Variants in C10orf67 observed in about 807,000 individuals in gnomAD.
C10orf67 encodes the protein chromosome 10 open reading frame 67, also known as uncharacterized protein C10orf67, mitochondrial.
In C10orf67, 60 loss-of-function variants were observed where a neutral mutation model predicts 35.6. The observed-to-expected ratio is 1.68, with a 90% CI of 1.37 to 2.09. The LOEUF (loss-of-function observed/expected upper bound fraction) is 2.09, where lower values mean the gene tolerates loss of function less well. Ranked by LOEUF, C10orf67 falls within the 30% of genes most tolerant of loss-of-function variation. The pLI is 0.00. For synonymous variants in C10orf67, 167 were observed against 115.8 expected (o/e 1.44, Z -2.84); for missense variants, 474 against 330.2 (o/e 1.44, Z -3.38).
At chr10:23,248,658 A>C (rs2132154170) in intron 12 of C10orf67, among the ~76,000 whole-genome samples, 1 of 152,336 alleles carries the variant, frequency 6.6e-6, no homozygotes, top group Middle Eastern at 3.4e-3. Flanking sequence ...CTGTGACTAC[A>C]CAATTAATCT....
chr10:23,231,115 T>A (rs1841895090), intron 13 of C10orf67, among the ~76,000 whole-genome samples: 1 of 151,476 alleles, frequency 6.6e-6, no homozygotes, highest in Non-Finnish European at 1.5e-5. Context: ...GCCCAGCTGA[T>A]TTTTTTTTCT....
In C10orf67 at chr10:23,296,784, G is replaced by C. The variant is rs376585196; in HGVS notation, c.703-5505C>G. On this transcript the variant is annotated intron_variant, in intron 5 of 15. Transcript: ENST00000636213. ...TAGTTTTACAGCTTTGATTCTGGAA[G>C]AGACAAACTTAACAAGGAGGTTAAA... Among the ~76,000 whole-genome samples the C allele has an allele frequency of 4.9e-4, 75 of 152,318 alleles. 1 individual carries two copies. In the South Asian group the frequency reaches 0.015, roughly 30 times the overall value.
chr10:23,207,340 A>G (rs957987512), intron 15 of C10orf67, among the ~76,000 whole-genome samples: 1 of 152,216 alleles, frequency 6.6e-6, no homozygotes, highest in Non-Finnish European at 1.5e-5. Flanking sequence ...GATCACAAAT[A>G]TTTACCAATA....
At position 23,206,043 on chromosome 10, in the gene C10orf67, AC is replaced by A. The variant is rs560419915; in HGVS notation, c.1571-1789del. 3.5e-4 allele frequency among the ~76,000 whole-genome samples: 53 copies of A among 152,358 alleles called. No individual in the cohort carries two copies. In the South Asian group the frequency reaches 0.01, roughly 29 times the overall value. On this transcript the variant is annotated intron_variant, in intron 15 of 15. Transcript: ENST00000636213. ...CTCGCCATCCCCAATCATTTTTTAT[AC>A]TGATCAAATGAATGCAGATACTCCC...
chr10:23,337,217 T>A (rs1845721194), intron 1 of C10orf67, among the ~76,000 whole-genome samples: 1 of 152,208 alleles, frequency 6.6e-6, no homozygotes, highest in South Asian at 2.1e-4. Context: ...CACATGGCAG[T>A]CATCATAAAA....
chr10:23,291,371 A>G lies in C10orf67; in HGVS notation c.703-92T>C, dbSNP rs1843715055. 7 of 613,806 alleles carry G rather than the reference A, an allele frequency of 1.1e-5. No homozygotes were observed. In the South Asian group the frequency reaches 1.2e-4, roughly 11 times the overall value. The allele number at this position is 613,806 out of a possible 1,614,324, so 38.0% of individuals were successfully genotyped here. On this transcript the variant is annotated intron_variant, in intron 5 of 15. Transcript: ENST00000636213. ...AATACAGATACAGAAAAGCTATCAT[A>G]TAATTTTCTGAATTCTATTACACAC... is the stretch of plus-strand genomic sequence containing the variant.
chr10:23,233,106 A>C (rs1333149341), intron 13 of C10orf67, among the ~76,000 whole-genome samples: 1 of 152,164 alleles, frequency 6.6e-6, no homozygotes, highest in Non-Finnish European at 1.5e-5. Context: ...ACAGTGAGCT[A>C]TGATCATGTT....
chr10:23,225,748 C>A (rs899813776), intron 13 of C10orf67, among the ~76,000 whole-genome samples: 3 of 152,072 alleles, frequency 2.0e-5, no homozygotes, highest in African/African-American at 4.8e-5. Flanking sequence ...GACTTTAAAC[C>A]AACAAAGTTC....
intron 4 of C10orf67, among the ~76,000 whole-genome samples, chr10:23,310,328 C>T (rs1015369671): frequency 1.3e-5 from 2 of 152,188 alleles, no homozygotes; most frequent in South Asian, 2.1e-4. Flanking sequence ...ACCACTCTGG[C>T]CCCCCTTAGA....
intron 1 of C10orf67, among the ~76,000 whole-genome samples, 193 bp from the exon 2 acceptor site, chr10:23,333,375 C>T (rs548694774): frequency 6.6e-6 from 1 of 152,278 alleles, no homozygotes; most frequent in African/African-American, 2.4e-5. Flanking sequence ...ATTCCCTGGA[C>T]TGAGGCATAT....
chr10:23,321,802 C>T (rs1354235083), intron 3 of C10orf67, among the ~76,000 whole-genome samples: 1 of 151,916 alleles, frequency 6.6e-6, no homozygotes, highest in Non-Finnish European at 1.5e-5. Flanking sequence ...TTTTGGTTTT[C>T]TGAGACGGGG....
intron 7 of C10orf67, among the ~76,000 whole-genome samples, chr10:23,284,064 T>C (rs933974891): frequency 5.4e-5 from 8 of 148,246 alleles, no homozygotes; most frequent in East Asian, 2.0e-4. Flanking sequence ...GAGGTCAGCT[T>C]CCCCAAATTC....
chr10:23,209,951 G>T (rs962300158), intron 15 of C10orf67, among the ~76,000 whole-genome samples: 3 of 133,854 alleles, frequency 2.2e-5, no homozygotes, highest in Non-Finnish European at 4.6e-5. Context: ...AGTGAGCCGA[G>T]ATTGCACCAT....
chr10:23,256,203 T>C (rs531073773), intron 10 of C10orf67, among the ~76,000 whole-genome samples: 1 of 152,220 alleles, frequency 6.6e-6, no homozygotes, highest in Non-Finnish European at 1.5e-5. Context: ...AGTCTTGCTA[T>C]GTTCCCCAGG....
Position 23,223,807 on chromosome 10 carries a change from G to C in C10orf67, c.1446C>G (p.Pro482=). Residue 482 remains proline (P), a synonymous_variant, in exon 14 of 16, where the codon CCC becomes CCG. Coordinates refer to ENST00000636213, the MANE Select transcript of C10orf67 (RefSeq NM_001371909.1). ...DTSFNYIKVK[P]LLVQSRTTMT... ...TGGTCGTTCTAGACTGCACTAATAA[G>C]GGTTTTACTTTCTGAAAGACACAAA... 1.4e-6 allele frequency: 1 copy of C among 715,164 alleles called. No individual in the cohort carries two copies. 44.3% of individuals were successfully genotyped at this position (715,164 alleles called of 1,614,324 possible). A position where few individuals can be genotyped will look rare whatever the true frequency, so the allele number is the denominator to read the frequency against.
At chr10:23,330,610 G>A (rs1361899741) in intron 2 of C10orf67, among the ~76,000 whole-genome samples, 6 of 151,680 alleles carry the variant, frequency 4.0e-5, no homozygotes, top group Admixed American at 3.3e-4. Flanking sequence ...CGTGGTGGCC[G>A]GCGCCTGTAG....
chr10:23,315,820 CT>C (rs111284523), intron 4 of C10orf67, among the ~76,000 whole-genome samples: 121 of 149,040 alleles, frequency 8.1e-4, no homozygotes, highest in African/African-American at 2.4e-3. Context: ...TTAAATGCAT[CT>C]TTTTTTTTTC....
intron 12 of C10orf67, among the ~76,000 whole-genome samples, chr10:23,250,223 C>G (rs1842413544): frequency 6.6e-6 from 1 of 152,144 alleles, no homozygotes; most frequent in Non-Finnish European, 1.5e-5. Flanking sequence ...TGAGTCTGTC[C>G]TGCTGATCTT....
At chr10:23,328,263 T>A (rs1401370383) in intron 2 of C10orf67, among the ~76,000 whole-genome samples, 1 of 152,198 alleles carries the variant, frequency 6.6e-6, no homozygotes, top group African/African-American at 2.4e-5. Context: ...CATGACATTG[T>A]CTCGGGCGGC....
Sources: allele counts gnomAD v4.1 joint callset (sites outside exome capture counted in the v4.1 genomes callset), GRCh38; gene constraint gnomAD v4.1.1; transcripts MANE v1.5; gene names NCBI Gene and HGNC (gene_info 2026-07-23, HGNC 2026-07-21).